The following RALGPS2 variants were observed in gnomAD, a reference collection of about 807,000 sequenced individuals.
RALGPS2 encodes ras-specific guanine nucleotide-releasing factor RalGPS2.
A neutral mutation model predicts 86.8 loss-of-function variants in RALGPS2; 43 were observed. The observed-to-expected ratio is 0.50, with a 90% CI of 0.39 to 0.64. The LOEUF (loss-of-function observed/expected upper bound fraction) is 0.64, where lower values mean the gene tolerates loss of function less well. Among genes scored for constraint, RALGPS2 ranks in the 30% least tolerant of loss-of-function variants. RALGPS2 has a pLI of 0.00. For missense variants in RALGPS2, 536 were observed against 694.6 expected (o/e 0.77, Z 2.57); for synonymous variants, 243 against 231.3 (o/e 1.05, Z -0.46).
At chr1:178,727,657 T>G (rs551987055) in intron 1 of RALGPS2, among the ~76,000 whole-genome samples, 3 of 152,338 alleles carry the variant, frequency 2.0e-5, no homozygotes, top group African/African-American at 7.2e-5. Context: ...GTCTTTTTAT[T>G]ACGTCATTAG....
chr1:178,871,810 A>C (rs1658775503), intron 8 of RALGPS2, among the ~76,000 whole-genome samples: 1 of 152,198 alleles, frequency 6.6e-6, no homozygotes, highest in South Asian at 2.1e-4. Flanking sequence ...ACTGAGTAAA[A>C]AACAAGGAAG....
chr1:178,758,959 T>C (rs1156415356), intron 1 of RALGPS2, among the ~76,000 whole-genome samples: 1 of 152,174 alleles, frequency 6.6e-6, no homozygotes, highest in Non-Finnish European at 1.5e-5. Context: ...GAGCTCCTTA[T>C]ATGTTCTGGT....
At chr1:178,775,502 T>C (rs1653034445) in intron 1 of RALGPS2, among the ~76,000 whole-genome samples, 1 of 152,122 alleles carries the variant, frequency 6.6e-6, no homozygotes. Context: ...ACCACTGTCA[T>C]TTTACAAAGA....
chr1:178,779,161 GT>G, intron 2 of RALGPS2, among the ~76,000 whole-genome samples: 1 of 152,262 alleles, frequency 6.6e-6, no homozygotes, highest in Admixed American at 6.5e-5. Flanking sequence ...CTGGAATGTT[GT>G]AAGGGCTTAC....
intron 1 of RALGPS2, among the ~76,000 whole-genome samples, chr1:178,757,160 T>C (rs1159062131): frequency 7.9e-5 from 12 of 152,196 alleles, no homozygotes; most frequent in Admixed American, 7.9e-4. Flanking sequence ...ACTTTGTATC[T>C]TGAAACTTTA....
rs770752619 is a variant in RALGPS2, at chr1:178,885,216, G to C, written c.1040+5G>C. 2 of 1,600,686 alleles carry C rather than the reference G, an allele frequency of 1.2e-6. No homozygotes were observed. The highest frequency in any genetic ancestry group is 1.7e-6 in the Non-Finnish European group (2 of 1,175,970). On this transcript the variant is annotated splice_donor_5th_base_variant and intron_variant, in intron 12 of 19. Transcript: ENST00000367635. Reference sequence around the variant, plus strand: ...GTGCCATAGTTTGGGTTATAAGTCAGCATTTTTAATTTTATCTTTCAAATT... The same window carrying C: ...GTGCCATAGTTTGGGTTATAAGTCACCATTTTTAATTTTATCTTTCAAATT...
At chr1:178,758,472 A>T (rs1452023443) in intron 1 of RALGPS2, among the ~76,000 whole-genome samples, 1 of 152,144 alleles carries the variant, frequency 6.6e-6, no homozygotes, top group Non-Finnish European at 1.5e-5. Context: ...CTGTAGTGCT[A>T]TCAAATACTA....
intron 8 of RALGPS2, among the ~76,000 whole-genome samples, chr1:178,856,198 G>GATATATATATATAT (rs1232946834): frequency 4.2e-5 from 2 of 47,270 alleles, no homozygotes; most frequent in African/African-American, 1.2e-4. Flanking sequence ...TCCAGAGAGA[G>GATATATATATATAT]AGAGATATAT....
intron 19 of RALGPS2, among the ~76,000 whole-genome samples, chr1:178,913,492 G>A (rs533480193): frequency 6.6e-6 from 1 of 152,224 alleles, no homozygotes; most frequent in African/African-American, 2.4e-5. Flanking sequence ...TGTCATTTCA[G>A]TCTGGTTAAG....
chr1:178,802,112 A>G (rs774234231), intron 4 of RALGPS2, among the ~76,000 whole-genome samples: 1 of 152,146 alleles, frequency 6.6e-6, no homozygotes, highest in Non-Finnish European at 1.5e-5. Context: ...GTAAAACTCA[A>G]CTACTCATAG....
Position 178,809,784 on chromosome 1 carries a change from C to T in RALGPS2, c.298-1531C>T, listed in dbSNP as rs114004279. 2.0e-3 allele frequency among the ~76,000 whole-genome samples: 305 copies of T among 152,122 alleles called. 2 individuals carry two copies. The highest frequency in any genetic ancestry group is 7.1e-3 in the African/African-American group (295 of 41,516). On this transcript the variant is annotated intron_variant, in intron 5 of 19. Transcript: ENST00000367635. ...CTCTCCAAGAGAATGTTCCAGCAAT[C>T]GAGGCAGGGGCTGCATGGTCTTTTA...
chr1:178,902,608 A>G (rs1282702921), intron 18 of RALGPS2, among the ~76,000 whole-genome samples: 1 of 152,238 alleles, frequency 6.6e-6, no homozygotes, highest in South Asian at 2.1e-4. Context: ...TCCTTCATCA[A>G]TACCTTGAAA....
intron 1 of RALGPS2, among the ~76,000 whole-genome samples, chr1:178,739,787 T>G (rs188876603): frequency 6.6e-6 from 1 of 152,350 alleles, no homozygotes; most frequent in African/African-American, 2.4e-5. Flanking sequence ...TTTGAAGGTT[T>G]GGACTTAAGG....
intron 1 of RALGPS2, among the ~76,000 whole-genome samples, chr1:178,743,868 CAAAA>C (rs796763104): frequency 4.7e-5 from 7 of 150,380 alleles, no homozygotes; most frequent in African/African-American, 1.7e-4. Context: ...ATTTCCACAC[CAAAA>C]AAAAACCCAA....
At chr1:178,838,169 G>A (rs1656382558) in intron 8 of RALGPS2, among the ~76,000 whole-genome samples, 1 of 152,328 alleles carries the variant, frequency 6.6e-6, no homozygotes, top group African/African-American at 2.4e-5. Context: ...CAGCTTTGAA[G>A]AGAGTAATGG....
intron 19 of RALGPS2, among the ~76,000 whole-genome samples, chr1:178,907,602 C>A (rs1004925297): frequency 2.0e-5 from 3 of 152,174 alleles, no homozygotes; most frequent in African/African-American, 7.2e-5. Flanking sequence ...ATTGGTAGAG[C>A]AGACATAAAA....
intron 1 of RALGPS2, among the ~76,000 whole-genome samples, chr1:178,762,900 A>G (rs1170816121): frequency 6.6e-6 from 1 of 152,090 alleles, no homozygotes; most frequent in African/African-American, 2.4e-5. Flanking sequence ...AGTCTTTGTT[A>G]TGATATCTTT....
In RALGPS2 at chr1:178,757,775, G is replaced by C. The variant is rs578191148; in HGVS notation, c.-83-18907G>C. On this transcript the variant is annotated intron_variant, in intron 1 of 19. Coordinates refer to ENST00000367635, the MANE Select transcript of RALGPS2 (RefSeq NM_152663.5). ...TACTTGTTTTGTTGTGTTTTTGCCA[G>C]GTTTTGGTATCAAGGTGATGCTGGC... is the stretch of plus-strand genomic sequence containing the variant. Among the ~76,000 whole-genome samples the C allele has an allele frequency of 5.9e-5, 9 of 152,222 alleles. No individual in the cohort carries two copies. In the East Asian group the frequency reaches 1.5e-3, roughly 26 times the overall value.
chr1:178,884,752 A>AG (rs1374662785), intron 11 of RALGPS2, among the ~76,000 whole-genome samples: 2 of 152,190 alleles, frequency 1.3e-5, no homozygotes, highest in African/African-American at 4.8e-5. Flanking sequence ...AAGAGCACTG[A>AG]ACCTAGGACT....
Sources: allele counts gnomAD v4.1 joint callset (sites outside exome capture counted in the v4.1 genomes callset), GRCh38; gene constraint gnomAD v4.1.1; transcripts MANE v1.5; gene names NCBI Gene and HGNC (gene_info 2026-07-23, HGNC 2026-07-21).